PDE4D: variants seen among roughly 807,000 people sequenced by gnomAD.
The protein encoded by PDE4D is 3',5'-cyclic-AMP phosphodiesterase 4D.
PDE4D carries 24 observed loss-of-function variants against 87.4 expected under a neutral mutation model. That is an observed-to-expected ratio of 0.27 (90% confidence interval 0.20 to 0.39). The LOEUF (loss-of-function observed/expected upper bound fraction) is 0.39, where lower values mean the gene tolerates loss of function less well. Among genes scored for constraint, PDE4D ranks in the 10% least tolerant of loss-of-function variants. PDE4D has a pLI of 1.00. For missense variants in PDE4D, 714 were observed against 1,041.0 expected (o/e 0.69, Z 4.32); for synonymous variants, 384 against 383.2 (o/e 1.00, Z -0.02).
chr5:60,407,105 G>A (rs1561217081), intron 1 of PDE4D, among the ~76,000 whole-genome samples: 2 of 152,196 alleles, frequency 1.3e-5, no homozygotes, highest in Non-Finnish European at 2.9e-5. Flanking sequence ...AAAGGAGAGA[G>A]TGTATGTTTG....
intron 1 of PDE4D, among the ~76,000 whole-genome samples, chr5:59,832,206 G>T (rs547113182): frequency 3.3e-5 from 5 of 152,178 alleles, no homozygotes; most frequent in African/African-American, 1.2e-4. Flanking sequence ...TGCTCAAATA[G>T]AAATTCCTGA....
intron 1 of PDE4D, among the ~76,000 whole-genome samples, chr5:59,250,657 T>C (rs1202012293): frequency 2.0e-5 from 3 of 152,086 alleles, no homozygotes; most frequent in African/African-American, 7.2e-5. Flanking sequence ...TTAGAAGCTG[T>C]GAAATACAGA....
intron 6 of PDE4D, among the ~76,000 whole-genome samples, chr5:58,998,797 A>G (rs1312315842): frequency 1.3e-5 from 2 of 152,186 alleles, no homozygotes; most frequent in East Asian, 3.9e-4. Context: ...TTAGGACTGA[A>G]TAAGGTTTTT....
intron 1 of PDE4D, among the ~76,000 whole-genome samples, chr5:59,426,592 C>T (rs918583): frequency 0.39 from 59,814 of 151,768 alleles, 12,527 homozygotes; most frequent in African/African-American, 0.53. Context: ...ACAAGCACCC[C>T]CCTACCACCC....
chr5:59,012,630 C>T (rs1399561060), intron 6 of PDE4D, among the ~76,000 whole-genome samples: 1 of 152,162 alleles, frequency 6.6e-6, no homozygotes, highest in Non-Finnish European at 1.5e-5. Context: ...GCACCCAATA[C>T]AGGAGCACCC....
rs528216179 is a variant in PDE4D, at chr5:60,311,210, C to T, written c.-89-125523G>A. 1.2e-4 allele frequency among the ~76,000 whole-genome samples: 18 copies of T among 152,172 alleles called. No homozygotes were observed. The South Asian group carries it at 2.5e-3, about 21-fold the overall frequency. On this transcript the variant is annotated intron_variant, in intron 1 of 16. Transcript: ENST00000502484. ...TTTGTATTTTTGTATTTCGTAGAGACGGGGTTTCTCCATGTTGGTCAGTCT... is the reference window on the plus strand; with the variant it reads ...TTTGTATTTTTGTATTTCGTAGAGATGGGGTTTCTCCATGTTGGTCAGTCT...
At chr5:59,801,198 T>C (rs1767088721) in intron 1 of PDE4D, among the ~76,000 whole-genome samples, 1 of 152,218 alleles carries the variant, frequency 6.6e-6, no homozygotes. Context: ...TTTATCAATC[T>C]AGGAATCCTA....
At chr5:60,279,233 T>C (rs1262533986) in intron 1 of PDE4D, among the ~76,000 whole-genome samples, 1 of 152,146 alleles carries the variant, frequency 6.6e-6, no homozygotes, top group Admixed American at 6.5e-5. Context: ...CATAGGGCAG[T>C]GGTGAAGGTC....
At chr5:59,485,944 A>G (rs1156029) in intron 1 of PDE4D, among the ~76,000 whole-genome samples, 26,920 of 152,012 alleles carry the variant, frequency 0.18, 2,542 homozygotes, top group Admixed American at 0.22. Flanking sequence ...TCTAAATACC[A>G]TCAAAGCTAC....
intron 1 of PDE4D, among the ~76,000 whole-genome samples, chr5:59,334,146 T>G (rs112089877): frequency 6.6e-6 from 1 of 151,890 alleles, no homozygotes; most frequent in Non-Finnish European, 1.5e-5. Context: ...TTTTTTTAAA[T>G]TGGAGTCTGA....
intron 1 of PDE4D, among the ~76,000 whole-genome samples, chr5:59,789,453 G>A (rs761979994): frequency 9.2e-5 from 14 of 152,212 alleles, no homozygotes; most frequent in African/African-American, 1.4e-4. Context: ...ATGAGCCTGC[G>A]TGATGTCTAC....
In PDE4D at chr5:59,996,508, A is replaced by G. The variant is rs1235324405; in HGVS notation, c.43-7791T>C. Among the ~76,000 whole-genome samples the G allele has an allele frequency of 2.0e-5, 3 of 152,166 alleles. No homozygotes were observed. In the East Asian group the frequency reaches 5.8e-4, roughly 29 times the overall value. On this transcript the variant is annotated intron_variant, in intron 2 of 16. Transcript: ENST00000502484. ...AACATATTATATGCCAATAGCAGAC[A>G]TTTTCTCCATATATTAGTCTTTCAT...
intron 1 of PDE4D, among the ~76,000 whole-genome samples, chr5:59,798,823 G>A (rs1296284675): frequency 6.6e-6 from 1 of 152,192 alleles, no homozygotes; most frequent in East Asian, 1.9e-4. Context: ...AACTAAGGAA[G>A]GGGCTCAGTT....
intron 1 of PDE4D, among the ~76,000 whole-genome samples, chr5:60,388,015 A>C (rs1216045608): frequency 1.3e-5 from 2 of 152,180 alleles, no homozygotes; most frequent in Non-Finnish European, 2.9e-5. Flanking sequence ...ACTCAGGGGA[A>C]CACTTTTACC....
intron 1 of PDE4D, among the ~76,000 whole-genome samples, chr5:59,463,144 T>C (rs193246332): frequency 3.3e-5 from 5 of 152,334 alleles, no homozygotes; most frequent in Admixed American, 3.3e-4. Context: ...AAATGAAATA[T>C]ATGTGTTACA....
intron 1 of PDE4D, among the ~76,000 whole-genome samples, chr5:59,827,073 G>A (rs1021585226): frequency 1.3e-5 from 2 of 151,994 alleles, no homozygotes; most frequent in African/African-American, 4.8e-5. Context: ...TAAATTATCT[G>A]ACTTGAACTT....
At chr5:59,693,626 T>C (rs993661522) in intron 1 of PDE4D, among the ~76,000 whole-genome samples, 2 of 152,164 alleles carry the variant, frequency 1.3e-5, no homozygotes, top group African/African-American at 2.4e-5. Context: ...GTTACAAATG[T>C]ATGTGGTTCC....
At chr5:59,103,730 G>A (rs1458119323) in intron 5 of PDE4D, among the ~76,000 whole-genome samples, 1 of 152,240 alleles carries the variant, frequency 6.6e-6, no homozygotes, top group Non-Finnish European at 1.5e-5. Flanking sequence ...TCATGGAACA[G>A]ATCATTAGAC....
intron 1 of PDE4D, among the ~76,000 whole-genome samples, chr5:59,598,283 A>T (rs1456687632): frequency 6.6e-6 from 1 of 152,190 alleles, no homozygotes; most frequent in Non-Finnish European, 1.5e-5. Context: ...ATTCATTTTT[A>T]AGATTTCTCC....
Sources: allele counts gnomAD v4.1 joint callset (sites outside exome capture counted in the v4.1 genomes callset), GRCh38; gene constraint gnomAD v4.1.1; transcripts MANE v1.5; gene names NCBI Gene and HGNC (gene_info 2026-07-23, HGNC 2026-07-21).